The following TMEFF2 variants were observed in gnomAD, a reference collection of about 807,000 sequenced individuals.
The protein encoded by TMEFF2 is transmembrane protein with EGF like and two follistatin like domains 2, also known as tomoregulin-2.
A neutral mutation model predicts 53.8 loss-of-function variants in TMEFF2; 28 were observed. That is an observed-to-expected ratio of 0.52 (90% CI 0.39 to 0.71). The LOEUF is 0.71. Among genes scored for constraint, TMEFF2 ranks in the 30% least tolerant of loss-of-function variants. The pLI is 0.00. For synonymous variants in TMEFF2, 162 were observed against 166.3 expected (o/e 0.97, Z 0.20); for missense variants, 353 against 455.2 (o/e 0.78, Z 2.04).
chr2:192,075,330 T>TATACATAC (rs1688405647), intron 4 of TMEFF2, among the ~76,000 whole-genome samples: 3 of 100,960 alleles, frequency 3.0e-5, no homozygotes, highest in Admixed American at 2.2e-4. Context: ...TATATATATA[T>TATACATAC]ATACATACAT....
chr2:192,070,843 C>T (rs1688278824), intron 4 of TMEFF2, among the ~76,000 whole-genome samples: 1 of 151,672 alleles, frequency 6.6e-6, no homozygotes, highest in Non-Finnish European at 1.5e-5. Context: ...TCAAATAGAC[C>T]CTTTGGTAGT....
intron 7 of TMEFF2, among the ~76,000 whole-genome samples, chr2:191,980,079 C>T (rs966659651): frequency 6.6e-6 from 1 of 152,152 alleles, no homozygotes; most frequent in Non-Finnish European, 1.5e-5. Context: ...TACTATTTGT[C>T]AGGCATTCTT....
At chr2:192,003,995 T>G (rs1293796513) in intron 5 of TMEFF2, among the ~76,000 whole-genome samples, 1 of 152,094 alleles carries the variant, frequency 6.6e-6, no homozygotes, top group African/African-American at 2.4e-5. Flanking sequence ...GTTTACTTGT[T>G]TATACCTCTA....
At chr2:191,992,476 G>T (rs114561823) in intron 7 of TMEFF2, among the ~76,000 whole-genome samples, 1 of 152,092 alleles carries the variant, frequency 6.6e-6, no homozygotes, top group Admixed American at 6.6e-5. Context: ...ACACAGGTAG[G>T]CAGTCAAAAT....
chr2:192,186,190 G>T (rs1470827886), intron 2 of TMEFF2, among the ~76,000 whole-genome samples: 1 of 152,080 alleles, frequency 6.6e-6, no homozygotes, highest in Non-Finnish European at 1.5e-5. Context: ...AACTCAATCA[G>T]AAACTGACTT....
chr2:191,977,237 T>C (rs532835837), intron 7 of TMEFF2, among the ~76,000 whole-genome samples: 21 of 152,276 alleles, frequency 1.4e-4, no homozygotes, highest in African/African-American at 4.6e-4. Flanking sequence ...GTGGGGGAAC[T>C]AGTTGTGCCT....
chr2:192,120,523 C>T (rs982947635), intron 4 of TMEFF2, among the ~76,000 whole-genome samples: 5 of 152,170 alleles, frequency 3.3e-5, no homozygotes, highest in African/African-American at 1.2e-4. Flanking sequence ...GGCATAAAAT[C>T]CAACTTGTTC....
chr2:192,089,607 C>T (rs1688744173), intron 4 of TMEFF2, among the ~76,000 whole-genome samples: 1 of 152,094 alleles, frequency 6.6e-6, no homozygotes, highest in African/African-American at 2.4e-5. Flanking sequence ...TTGGGTCTAC[C>T]TCTGGGTTCC....
At chr2:192,010,055 A>G (rs1405547025) in intron 5 of TMEFF2, among the ~76,000 whole-genome samples, 3 of 152,234 alleles carry the variant, frequency 2.0e-5, no homozygotes, top group East Asian at 1.9e-4. Context: ...CCACTGGACC[A>G]AGATAATGTT....
At position 192,002,753 on chromosome 2, in the gene TMEFF2, G is replaced by C. The variant is rs189563931; in HGVS notation, c.537-3545C>G. ...GCTGAGGCAGGAGAATCACTTGAAC[G>C]GGGGAGGCGGAGGTTGCGGTGAGCT... On this transcript the variant is annotated intron_variant, in intron 5 of 9. Transcript: ENST00000272771. Among the ~76,000 whole-genome samples the C allele has an allele frequency of 2.0e-5, 3 of 152,110 alleles. No homozygotes were observed. The East Asian group carries it at 5.8e-4, about 29-fold the overall frequency.
At chr2:191,982,901 A>T (rs1685887380) in intron 7 of TMEFF2, among the ~76,000 whole-genome samples, 1 of 152,154 alleles carries the variant, frequency 6.6e-6, no homozygotes, top group Non-Finnish European at 1.5e-5. Context: ...GGATTTTATA[A>T]TAAAAGTCAT....
chr2:191,996,542 T>C (rs900909720), intron 7 of TMEFF2, among the ~76,000 whole-genome samples: 6 of 151,890 alleles, frequency 4.0e-5, no homozygotes, highest in African/African-American at 1.2e-4. Context: ...CCTCAGACTT[T>C]TATTTTTCAT....
intron 4 of TMEFF2, among the ~76,000 whole-genome samples, chr2:192,097,778 G>T (rs16824096): frequency 0.068 from 10,399 of 152,096 alleles, 762 homozygotes; most frequent in African/African-American, 0.18. Context: ...TCACTGAAGA[G>T]AATGTGTTTG....
At chr2:192,068,985 T>G (rs1020900395) in intron 4 of TMEFF2, among the ~76,000 whole-genome samples, 17 of 151,722 alleles carry the variant, frequency 1.1e-4, no homozygotes, top group African/African-American at 3.9e-4. Flanking sequence ...TTTTTTTTTT[T>G]CTTCTGGAAT....
At chr2:192,192,696 CATTTAA>C (rs1204900599) in intron 1 of TMEFF2, among the ~76,000 whole-genome samples, 2 of 152,282 alleles carry the variant, frequency 1.3e-5, no homozygotes, top group African/African-American at 4.8e-5. Context: ...GTCAACTTCA[CATTTAA>C]GTTAGTTATT....
intron 5 of TMEFF2, among the ~76,000 whole-genome samples, chr2:192,002,883 G>A (rs1686403189): frequency 6.6e-6 from 1 of 152,042 alleles, no homozygotes; most frequent in African/African-American, 2.4e-5. Context: ...AAAAGGAAAT[G>A]TTGTGACTGG....
At chr2:192,072,517 T>C (rs902763934) in intron 4 of TMEFF2, among the ~76,000 whole-genome samples, 1 of 151,984 alleles carries the variant, frequency 6.6e-6, no homozygotes, top group Non-Finnish European at 1.5e-5. Context: ...CCTGTACTGT[T>C]GCTTTCATTT....
At chr2:192,075,332 T>TATATATATATATATATATACACAC (rs796267672) in intron 4 of TMEFF2, among the ~76,000 whole-genome samples, 1 of 88,146 alleles carries the variant, frequency 1.1e-5, no homozygotes, top group African/African-American at 4.1e-5. Context: ...TATATATATA[T>TATATATATATATATATATACACAC]ACATACATAC....
chr2:192,088,273 A>G (rs1688711571), intron 4 of TMEFF2, among the ~76,000 whole-genome samples: 1 of 152,130 alleles, frequency 6.6e-6, no homozygotes, highest in African/African-American at 2.4e-5. Context: ...GGGATGTAGA[A>G]GACTAACAGG....
Sources: allele counts gnomAD v4.1 joint callset (sites outside exome capture counted in the v4.1 genomes callset), GRCh38; gene constraint gnomAD v4.1.1; transcripts MANE v1.5; gene names NCBI Gene and HGNC (gene_info 2026-07-23, HGNC 2026-07-21).